The following GRIK3 variants were observed in gnomAD, a reference collection of about 807,000 sequenced individuals.
GRIK3 encodes glutamate receptor ionotropic, kainate 3.
A neutral mutation model predicts 102.5 loss-of-function variants in GRIK3; 29 were observed. The ratio of observed to expected loss-of-function variants is 0.28; its 90% CI spans 0.21 to 0.39. The LOEUF is 0.39. Among genes scored for constraint, GRIK3 ranks in the 10% least tolerant of loss-of-function variants. The pLI is 1.00. For missense variants in GRIK3, 908 were observed against 1,252.4 expected (o/e 0.73, Z 4.15); for synonymous variants, 511 against 504.9 (o/e 1.01, Z -0.16).
At chr1:36,860,138 G>T in intron 5 of GRIK3, 121 bp from the exon 6 acceptor site, 2 of 700,756 alleles carry the variant, frequency 2.9e-6, no homozygotes, top group Non-Finnish European at 4.8e-6. Context: ...TCCCTGCAAA[G>T]CCCTGCAGAG....
intron 1 of GRIK3, among the ~76,000 whole-genome samples, chr1:37,027,664 G>GT (rs1557468877): frequency 6.6e-6 from 1 of 152,206 alleles, no homozygotes; most frequent in Non-Finnish European, 1.5e-5. Flanking sequence ...CCAATGGGCA[G>GT]TATCATCCCC....
At chr1:36,848,980 C>T (rs984150893) in intron 9 of GRIK3, among the ~76,000 whole-genome samples, 1 of 152,196 alleles carries the variant, frequency 6.6e-6, no homozygotes, top group Non-Finnish European at 1.5e-5. Flanking sequence ...CCTCTTCAGG[C>T]TCTGTGGGCA....
chr1:36,957,140 T>A (rs1285921328), intron 1 of GRIK3, among the ~76,000 whole-genome samples: 1 of 152,232 alleles, frequency 6.6e-6, no homozygotes, highest in Non-Finnish European at 1.5e-5. Context: ...CTCATCAGAT[T>A]GGCTGATTGG....
rs1013301584 is a variant in GRIK3 at position 36,799,264 on chromosome 1, A to G, written c.*2587T>C. Reference sequence around the variant, plus strand: ...CATGCAACCTTGGAACCTCTCTGTGACAAATGATCTCTCCCATGACAGAAG... The same window carrying G: ...CATGCAACCTTGGAACCTCTCTGTGGCAAATGATCTCTCCCATGACAGAAG... On this transcript the variant is annotated 3_prime_UTR_variant, in exon 16 of 16. Transcript: ENST00000373091. The G allele has an allele frequency of 6.6e-6, 1 of 152,242 alleles. No homozygotes were observed. Among genetic ancestry groups the G allele is most frequent in the African/African-American group, 2.4e-5 (1 of 41,460 alleles). 9.4% of individuals were successfully genotyped at this position (152,242 alleles called of 1,614,324 possible).
intron 14 of GRIK3, among the ~76,000 whole-genome samples, chr1:36,805,773 C>G (rs973656123): frequency 6.6e-6 from 1 of 151,630 alleles, no homozygotes; most frequent in African/African-American, 2.4e-5. Context: ...CCCGTCTCTA[C>G]TAAAAATACA....
intron 1 of GRIK3, among the ~76,000 whole-genome samples, chr1:36,932,354 A>G (rs1570805942): frequency 6.6e-6 from 1 of 152,194 alleles, no homozygotes; most frequent in East Asian, 1.9e-4. Flanking sequence ...CAAGCATGCG[A>G]CAGCCACAGT....
chr1:36,992,030 G>T (rs1642368577), intron 1 of GRIK3, among the ~76,000 whole-genome samples: 1 of 152,158 alleles, frequency 6.6e-6, no homozygotes, highest in Non-Finnish European at 1.5e-5. Context: ...CCTGGGGGGT[G>T]GTTCCCAGGA....
chr1:36,861,337 T>A (rs913235481), intron 5 of GRIK3, among the ~76,000 whole-genome samples: 9 of 152,202 alleles, frequency 5.9e-5, no homozygotes, highest in Non-Finnish European at 1.5e-5. Context: ...TCTGAGCTCC[T>A]CCTCGTCTAC....
At chr1:36,931,060 A>G (rs1398095151) in intron 1 of GRIK3, among the ~76,000 whole-genome samples, 1 of 152,206 alleles carries the variant, frequency 6.6e-6, no homozygotes, top group Non-Finnish European at 1.5e-5. Context: ...CCATTGCAGC[A>G]GCTGATGGAG....
chr1:37,014,189 T>C (rs1642628055), intron 1 of GRIK3, among the ~76,000 whole-genome samples: 1 of 152,268 alleles, frequency 6.6e-6, no homozygotes. Flanking sequence ...AACTATGCAT[T>C]ATTTGTTAAT....
Position 36,806,332 on chromosome 1 carries a change from C to G in GRIK3, c.2092-6G>C. 5 of 1,600,604 alleles carry G rather than the reference C, an allele frequency of 3.1e-6. No individual in the cohort carries two copies. The highest frequency in any genetic ancestry group is 4.3e-6 in the Non-Finnish European group (5 of 1,169,048). On this transcript the variant is annotated splice_polypyrimidine_tract_variant and splice_region_variant and intron_variant, in intron 13 of 15. Coordinates refer to ENST00000373091, the MANE Select transcript of GRIK3 (RefSeq NM_000831.4). This position sits in a 1 kb window ranked among gnomAD's most constrained non-coding sequence, Gnocchi z 4.0. ...AAGGTGGAGATCTTGGATTTCTGGG[C>G]CGTGAGGGAAGGGGTGATGCACACA...
At chr1:36,960,987 G>T (rs993856441) in intron 1 of GRIK3, among the ~76,000 whole-genome samples, 1 of 152,246 alleles carries the variant, frequency 6.6e-6, no homozygotes, top group Non-Finnish European at 1.5e-5. Context: ...CAGCTTTGGG[G>T]TGGGTCAGTG....
At chr1:36,911,988 C>T (rs1408535141) in intron 1 of GRIK3, among the ~76,000 whole-genome samples, 1 of 152,144 alleles carries the variant, frequency 6.6e-6, no homozygotes, top group Non-Finnish European at 1.5e-5. Flanking sequence ...AGGACAACTC[C>T]CTTAGCCTGG....
intron 1 of GRIK3, among the ~76,000 whole-genome samples, chr1:36,953,053 A>G (rs752584350): frequency 6.6e-6 from 1 of 152,124 alleles, no homozygotes; most frequent in Non-Finnish European, 1.5e-5. Context: ...GAGCGGGAGG[A>G]GGAGGAAGAG....
chr1:36,958,960 GC>G (rs879586010), intron 1 of GRIK3, among the ~76,000 whole-genome samples: 1 of 126,600 alleles, frequency 7.9e-6, no homozygotes, highest in African/African-American at 2.7e-5. Flanking sequence ...CTGTGAGCCT[GC>G]ACCCCATGAG....
Position 36,807,310 on chromosome 1 carries a change from C to T in GRIK3, c.2092-984G>A, listed in dbSNP as rs543224908. On this transcript the variant is annotated intron_variant, in intron 13 of 15. Transcript: ENST00000373091. ...GGGAGACTGTGCAGACCAGGGTGCA[C>T]GGCATTCATGAGATTTCTTGGGAAC... 6.5e-4 allele frequency among the ~76,000 whole-genome samples: 99 copies of T among 152,186 alleles called. 1 individual carries two copies. In the South Asian group the frequency reaches 0.018, roughly 28 times the overall value.
chr1:36,838,790 T>C (rs1268906295), intron 10 of GRIK3, among the ~76,000 whole-genome samples: 1 of 152,204 alleles, frequency 6.6e-6, no homozygotes, highest in Non-Finnish European at 1.5e-5. Context: ...TTCTATGGGC[T>C]AGTGAGAAGA....
intron 13 of GRIK3, among the ~76,000 whole-genome samples, chr1:36,814,521 C>G (rs1340233640): frequency 3.2e-5 from 4 of 125,808 alleles, no homozygotes; most frequent in South Asian, 3.0e-4. Context: ...CCCCCCCCCC[C>G]ACACACAGAG....
chr1:36,916,339 C>T (rs1308834985), intron 1 of GRIK3, among the ~76,000 whole-genome samples: 2 of 152,124 alleles, frequency 1.3e-5, no homozygotes, highest in African/African-American at 4.8e-5. Flanking sequence ...AATTTGCAGC[C>T]TGACAACATG....
Sources: gnomAD v4.1 joint callset for allele counts (sites outside exome capture counted in the v4.1 genomes callset) on GRCh38, gnomAD v4.1.1 for gene constraint, Gnocchi (gnomAD v3.1) non-coding constraint, MANE v1.5 for transcripts, NCBI Gene and HGNC (gene_info 2026-07-23, HGNC 2026-07-21) for gene names.